Variants in DNAH14 observed in about 807,000 individuals in gnomAD.
DNAH14 encodes dynein axonemal heavy chain 14, also known as axonemal beta dynein heavy chain 14.
DNAH14 carries 478 observed loss-of-function variants against 520.9 expected under a neutral mutation model. The observed-to-expected ratio is 0.92, with a 90% CI of 0.85 to 0.99. The LOEUF is 0.99. Among genes scored for constraint, DNAH14 ranks in the 50% least tolerant of loss-of-function variants. DNAH14 has a pLI of 0.00. For synonymous variants in DNAH14, 1,581 were observed against 1,757.2 expected (o/e 0.90, Z 2.51); for missense variants, 4,831 against 5,234.5 (o/e 0.92, Z 2.38).
intron 23 of DNAH14, among the ~76,000 whole-genome samples, chr1:225,107,446 A>T (rs1429610720): frequency 6.6e-6 from 1 of 152,220 alleles, no homozygotes; most frequent in Non-Finnish European, 1.5e-5. Context: ...ACAAAAACTT[A>T]TTGATATGGC....
At chr1:225,001,692 C>T (rs898840881) in intron 8 of DNAH14, among the ~76,000 whole-genome samples, 9 of 152,084 alleles carry the variant, frequency 5.9e-5, no homozygotes, top group African/African-American at 2.2e-4. Flanking sequence ...TTTAAACAAA[C>T]ACTGAATAAT....
chr1:225,051,828 A>T, intron 17 of DNAH14, 33 bp downstream of exon 17: 1 of 1,377,044 alleles, frequency 7.3e-7, no homozygotes, highest in Non-Finnish European at 9.7e-7. Context: ...TTGTGTAAGA[A>T]TGTTTCAGAT....
intron 56 of DNAH14, 69 bp from the exon 57 acceptor site, chr1:225,303,087 T>G: frequency 8.7e-7 from 1 of 1,151,714 alleles, no homozygotes; most frequent in Non-Finnish European, 1.2e-6. Flanking sequence ...TTCCATGGAA[T>G]TTTTAATATA....
chr1:225,264,395 C>T (rs1489995317), intron 47 of DNAH14, 134 bp downstream of exon 47: 1 of 791,178 alleles, frequency 1.3e-6, no homozygotes, highest in Non-Finnish European at 2.0e-6. Context: ...GTCTCAAAAA[C>T]TATCCCACAC....
At chr1:224,929,942 C>T in intron 1 of DNAH14, 107 bp downstream of exon 1, 1 of 543,908 alleles carries the variant, frequency 1.8e-6, no homozygotes, top group South Asian at 2.4e-5. Context: ...GCGCGGAGGG[C>T]CTGGGCGCTC....
intron 9 of DNAH14, among the ~76,000 whole-genome samples, chr1:225,006,815 A>G (rs1466622186): frequency 6.6e-6 from 1 of 151,710 alleles, no homozygotes; most frequent in Non-Finnish European, 1.5e-5. Context: ...TCTGTGACCC[A>G]CTCCCTATTC....
At chr1:225,201,881 T>TC (rs1408718286) in intron 38 of DNAH14, among the ~76,000 whole-genome samples, 1 of 149,152 alleles carries the variant, frequency 6.7e-6, no homozygotes, top group Non-Finnish European at 1.5e-5. Flanking sequence ...TCCTTTTTTT[T>TC]TTTTTTTTTT....
intron 35 of DNAH14, among the ~76,000 whole-genome samples, chr1:225,165,064 T>C (rs1450062496): frequency 1.3e-5 from 2 of 152,164 alleles, no homozygotes; most frequent in East Asian, 1.9e-4. Flanking sequence ...AGAACTTTAA[T>C]ATTTGAGACT....
intron 3 of DNAH14, among the ~76,000 whole-genome samples, chr1:224,959,577 T>C (rs2060719284): frequency 6.6e-6 from 1 of 152,108 alleles, no homozygotes; most frequent in Non-Finnish European, 1.5e-5. Context: ...TTTAATATTT[T>C]CCCCATTCTT....
chr1:225,129,558 G>A (rs2078155394), intron 27 of DNAH14, among the ~76,000 whole-genome samples: 2 of 152,182 alleles, frequency 1.3e-5, no homozygotes, highest in East Asian at 3.8e-4. Context: ...ATAAAAACAA[G>A]CAATGTGGAA....
intron 55 of DNAH14, among the ~76,000 whole-genome samples, chr1:225,292,812 T>C (rs962011806): frequency 8.5e-5 from 13 of 152,124 alleles, no homozygotes; most frequent in African/African-American, 3.1e-4. Context: ...AGTTCTTTCA[T>C]CTTCTTTGTT....
At chr1:225,193,243 T>C (rs755291915) in intron 38 of DNAH14, among the ~76,000 whole-genome samples, 1 of 152,128 alleles carries the variant, frequency 6.6e-6, no homozygotes, top group Non-Finnish European at 1.5e-5. Flanking sequence ...AAAAACCCTT[T>C]GTTAGAAAAG....
Position 225,079,206 on chromosome 1 carries a change from G to A in DNAH14, c.2425-1G>A. The A allele has an allele frequency of 6.5e-7, 1 of 1,535,318 alleles. No individual in the cohort carries two copies. The highest frequency in any genetic ancestry group is 8.8e-7 in the Non-Finnish European group (1 of 1,142,800). ...AATTATAATTGACATGTTGATTTCA[G>A]GTTGTGGAATCATCATTGCAGCAGC... is the stretch of plus-strand genomic sequence containing the variant. On this transcript the variant is annotated splice_acceptor_variant, in intron 17 of 85. Transcript: ENST00000682510. LOFTEE classifies it high-confidence loss of function.
At chr1:225,240,069 A>G (rs1480954066) in intron 42 of DNAH14, among the ~76,000 whole-genome samples, 1 of 152,136 alleles carries the variant, frequency 6.6e-6, no homozygotes, top group African/African-American at 2.4e-5. Flanking sequence ...GTTAAACTAA[A>G]TCAACCTCTA....
rs2093461213 is a variant in DNAH14, at chr1:225,276,089, T to A, written c.8178+8T>A. ...GGTTCAATTTCTTTGGAGGTAAACA[T>A]ATATACTATATAAAAATCTGAGGAG... is the stretch of plus-strand genomic sequence containing the variant. On this transcript the variant is annotated splice_region_variant and intron_variant, in intron 53 of 85. Coordinates refer to ENST00000682510, the MANE Select transcript of DNAH14 (RefSeq NM_001367479.1). The A allele has an allele frequency of 3.8e-6, 1 of 265,640 alleles. No individual in the cohort carries two copies. The highest frequency in any genetic ancestry group is 5.2e-5 in the Admixed American group (1 of 19,270). The allele number at this position is 265,640 out of a possible 1,614,324, so 16.5% of individuals were successfully genotyped here.
intron 35 of DNAH14, among the ~76,000 whole-genome samples, chr1:225,167,195 A>G (rs1279479817): frequency 6.6e-6 from 1 of 152,094 alleles, no homozygotes; most frequent in Non-Finnish European, 1.5e-5. Flanking sequence ...CTTTTTCTCC[A>G]TTGTACAGTC....
intron 72 of DNAH14, among the ~76,000 whole-genome samples, chr1:225,352,803 A>G (rs933763116): frequency 2.6e-5 from 4 of 151,942 alleles, no homozygotes; most frequent in Non-Finnish European, 5.9e-5. Context: ...TGTATAGTCA[A>G]TTATGTCTAT....
chr1:225,302,374 G>T (rs1558316085), intron 56 of DNAH14, among the ~76,000 whole-genome samples: 1 of 151,676 alleles, frequency 6.6e-6, no homozygotes, highest in Admixed American at 6.6e-5. Flanking sequence ...CAAAAAAAAG[G>T]AAAAAAAATC....
chr1:225,276,983 AAGGG>A (rs547526416), intron 53 of DNAH14, among the ~76,000 whole-genome samples: 6,927 of 35,102 alleles, frequency 0.2, 914 homozygotes, highest in East Asian at 0.23. Flanking sequence ...GGAAGGAAGG[AAGGG>A]AGGGAGGAAG....
Sources: gnomAD v4.1 joint callset for allele counts (sites outside exome capture counted in the v4.1 genomes callset) on GRCh38, gnomAD v4.1.1 for gene constraint, MANE v1.5 for transcripts, NCBI Gene and HGNC (gene_info 2026-07-23, HGNC 2026-07-21) for gene names.